The following COMMD1 variants were observed in gnomAD, a reference collection of about 807,000 sequenced individuals.
COMMD1 encodes the protein copper metabolism domain containing 1, also known as COMM domain-containing protein 1.
Under a neutral mutation model 17.2 loss-of-function variants are expected in COMMD1, and 10 were observed. The observed-to-expected ratio is 0.58, with a 90% CI of 0.36 to 0.99. The LOEUF (loss-of-function observed/expected upper bound fraction) is 0.99, where lower values mean the gene tolerates loss of function less well. Ranked by LOEUF, COMMD1 falls within the 50% of genes least tolerant of loss-of-function variation. COMMD1 has a pLI of 0.01. For synonymous variants in COMMD1, 97 were observed against 91.6 expected (o/e 1.06, Z -0.34); for missense variants, 270 against 231.8 (o/e 1.17, Z -1.07).
At chr2:61,909,710 G>A (rs1044771615) in intron 1 of COMMD1, among the ~76,000 whole-genome samples, 1 of 152,170 alleles carries the variant, frequency 6.6e-6, no homozygotes, top group Non-Finnish European at 1.5e-5. Flanking sequence ...AGTTATCTAT[G>A]TAATATCATG....
chr2:61,898,051 C>T (rs991304660), intron 1 of COMMD1, among the ~76,000 whole-genome samples: 3 of 152,186 alleles, frequency 2.0e-5, no homozygotes, highest in African/African-American at 7.2e-5. Context: ...AATAACAACT[C>T]AGTCCATTGT....
intron 1 of COMMD1, chr2:61,968,993 G>T: frequency 2.3e-6 from 1 of 428,646 alleles, no homozygotes; most frequent in Non-Finnish European, 4.7e-6. Flanking sequence ...TGTTGCCCAG[G>T]ATAGAGTGCA....
intron 2 of COMMD1, among the ~76,000 whole-genome samples, chr2:62,024,667 T>C (rs1669705155): frequency 6.6e-6 from 1 of 152,212 alleles, no homozygotes; most frequent in African/African-American, 2.4e-5. Context: ...TCTGTAAATA[T>C]GTAATGTAAT....
chr2:62,044,570 G>A (rs867277896), intron 2 of COMMD1, among the ~76,000 whole-genome samples: 3 of 152,148 alleles, frequency 2.0e-5, no homozygotes, highest in Non-Finnish European at 4.4e-5. Context: ...CTCCAAAAAA[G>A]CTTCCTGCTT....
At chr2:62,093,383 T>G (rs1426556344) in intron 2 of COMMD1, among the ~76,000 whole-genome samples, 1 of 152,186 alleles carries the variant, frequency 6.6e-6, no homozygotes, top group Non-Finnish European at 1.5e-5. Flanking sequence ...AAAGTATTGT[T>G]TTCCCATGAT....
intron 2 of COMMD1, among the ~76,000 whole-genome samples, chr2:62,057,813 C>T (rs1374997898): frequency 6.6e-6 from 1 of 151,968 alleles, no homozygotes; most frequent in Admixed American, 6.6e-5. Context: ...CTCAGGCGAT[C>T]CTCCCACCTT....
At chr2:61,905,896 A>AC (rs1669760205) in intron 1 of COMMD1, 38 bp downstream of exon 1, 1 of 1,605,368 alleles carries the variant, frequency 6.2e-7, no homozygotes, top group African/African-American at 1.3e-5. Context: ...TTGGAGCAGA[A>AC]CCCCTTGGCC....
At chr2:62,113,095 C>T (rs1409337997) in intron 2 of COMMD1, among the ~76,000 whole-genome samples, 1 of 151,996 alleles carries the variant, frequency 6.6e-6, no homozygotes, top group African/African-American at 2.4e-5. Flanking sequence ...CCTGTAGTCC[C>T]CCTACTTTGG....
At chr2:62,058,182 T>C (rs1231204091) in intron 2 of COMMD1, among the ~76,000 whole-genome samples, 2 of 152,176 alleles carry the variant, frequency 1.3e-5, no homozygotes, top group Admixed American at 6.5e-5. Flanking sequence ...GAAAAGAATA[T>C]ATTTTGTGAA....
chr2:61,996,580 C>T (rs1668761741), intron 1 of COMMD1, among the ~76,000 whole-genome samples: 1 of 152,110 alleles, frequency 6.6e-6, no homozygotes, highest in Admixed American at 6.6e-5. Context: ...AGTCAGTTCT[C>T]TCCAACCCTG....
chr2:61,888,878 C>G, intron 1 of COMMD1: 1 of 239,718 alleles, frequency 4.2e-6, no homozygotes, highest in Non-Finnish European at 8.0e-6. Context: ...CCACCTTGCA[C>G]GGCTATGAGG....
chr2:62,022,591 A>ATT (rs773031097), intron 2 of COMMD1, among the ~76,000 whole-genome samples: 29 of 134,378 alleles, frequency 2.2e-4, no homozygotes, highest in African/African-American at 7.4e-4. Flanking sequence ...TAGTTTCACC[A>ATT]TTTTTTTTTT....
intron 2 of COMMD1, among the ~76,000 whole-genome samples, chr2:62,015,710 C>CTT (rs1248109405): frequency 3.7e-5 from 4 of 107,966 alleles, no homozygotes; most frequent in African/African-American, 7.4e-5. Flanking sequence ...TTTTTTTTTT[C>CTT]TTTTTTTTTT....
intron 2 of COMMD1, among the ~76,000 whole-genome samples, chr2:62,037,046 G>A (rs933276399): frequency 2.0e-5 from 3 of 152,080 alleles, no homozygotes; most frequent in African/African-American, 4.8e-5. Context: ...TTTTTCAGAT[G>A]TCAGTCCATC....
At chr2:62,023,081 C>G (rs1440370667) in intron 2 of COMMD1, among the ~76,000 whole-genome samples, 1 of 152,102 alleles carries the variant, frequency 6.6e-6, no homozygotes, top group Non-Finnish European at 1.5e-5. Context: ...ATAAAATTAG[C>G]TGGGCATGGT....
chr2:61,929,733 A>G (rs962061117), intron 1 of COMMD1, among the ~76,000 whole-genome samples: 1 of 152,112 alleles, frequency 6.6e-6, no homozygotes, highest in Non-Finnish European at 1.5e-5. Flanking sequence ...GGAGTTCAAG[A>G]CCAGCCTAAA....
At chr2:62,037,339 A>G (rs1259067031) in intron 2 of COMMD1, among the ~76,000 whole-genome samples, 1 of 152,238 alleles carries the variant, frequency 6.6e-6, no homozygotes, top group Admixed American at 6.5e-5. Context: ...ATATTGCCAA[A>G]TAAATGGGAT....
At chr2:62,056,482 A>G (rs1455408801) in intron 2 of COMMD1, among the ~76,000 whole-genome samples, 1 of 152,244 alleles carries the variant, frequency 6.6e-6, no homozygotes, top group Non-Finnish European at 1.5e-5. Flanking sequence ...CTTGTGTGAC[A>G]TATTCAACCT....
intron 1 of COMMD1, among the ~76,000 whole-genome samples, chr2:61,953,790 AATAGATGTGTAGTAGTACCTC>A (rs1671120707): frequency 6.6e-6 from 1 of 152,204 alleles, no homozygotes; most frequent in Non-Finnish European, 1.5e-5. Context: ...CAATAATTCT[AATAGATGTGTAGTAGTACCTC>A]ATAGTTTTAA....
Sources: gnomAD v4.1 joint callset for allele counts (sites outside exome capture counted in the v4.1 genomes callset) on GRCh38, gnomAD v4.1.1 for gene constraint, MANE v1.5 for transcripts, NCBI Gene and HGNC (gene_info 2026-07-23, HGNC 2026-07-21) for gene names.